Variants in NUDT3 observed in about 807,000 individuals in gnomAD.
NUDT3 encodes the protein diphosphoinositol polyphosphate phosphohydrolase 1.
A neutral mutation model predicts 23.6 loss-of-function variants in NUDT3; 9 were observed. The ratio of observed to expected loss-of-function variants is 0.38; its 90% confidence interval spans 0.23 to 0.66. The LOEUF is 0.66. Ranked by LOEUF, NUDT3 falls within the 30% of genes least tolerant of loss-of-function variation. The pLI is 0.52. For synonymous variants in NUDT3, 86 were observed against 82.6 expected, an observed-to-expected ratio of 1.04 and a Z score of -0.22; for missense variants, 172 against 218.5, an observed-to-expected ratio of 0.79 and a Z score of 1.34.
intron 1 of NUDT3, among the ~76,000 whole-genome samples, chr6:34,370,789 C>T (rs1764814343): frequency 6.6e-6 from 1 of 152,124 alleles, no homozygotes; most frequent in African/African-American, 2.4e-5. Context: ...CAATCACCAA[C>T]AAATAAAAAA....
intron 2 of NUDT3, among the ~76,000 whole-genome samples, chr6:34,315,784 C>T (rs56188036): frequency 0.096 from 14,563 of 152,184 alleles, 801 homozygotes; most frequent in Non-Finnish European, 0.12. Flanking sequence ...AGTCTCTATA[C>T]ACAACAGGCA....
chr6:34,355,833 G>C (rs1764552965), intron 1 of NUDT3, among the ~76,000 whole-genome samples: 1 of 152,092 alleles, frequency 6.6e-6, no homozygotes, highest in Non-Finnish European at 1.5e-5. Context: ...AAAGGGTTTG[G>C]GGAACTTCCA....
rs533055608 is a variant in NUDT3 at position 34,308,119 on chromosome 6, C to CAAAAAAAAAA, written c.211-12444_211-12435dup. Among the ~76,000 whole-genome samples the CAAAAAAAAAA allele has an allele frequency of 6.7e-5, 4 of 60,136 alleles. 1 individual carries two copies. Among genetic ancestry groups the CAAAAAAAAAA allele is most frequent in the African/African-American group, 2.2e-4 (3 of 13,698 alleles). The allele number at this position is 60,136 out of a possible 152,430, so 39.5% of individuals were successfully genotyped here. A position where few individuals can be genotyped will look rare whatever the true frequency, so the allele number is the denominator to read the frequency against. ...TGGGAGACACAGAGAAACTCTGTCTCAAAAAAAAAAAAAAAAAAAAAAAAA... is the reference window on the plus strand; with the variant it reads ...TGGGAGACACAGAGAAACTCTGTCTCAAAAAAAAAAAAAAAAAAAAAAAAAAAAAAAAAAA... On this transcript the variant is annotated intron_variant, in intron 2 of 4. Transcript: ENST00000607016.
rs766507608 is a variant in NUDT3, at chr6:34,288,643, C to A, written c.*110G>T. 19 of 1,402,912 alleles carry A rather than the reference C, an allele frequency of 1.4e-5. No homozygotes were observed. The highest frequency in any genetic ancestry group is 1.6e-5 in the Non-Finnish European group (17 of 1,042,804). 86.9% of individuals were successfully genotyped at this position (1,402,912 alleles called of 1,614,324 possible). On this transcript the variant is annotated 3_prime_UTR_variant, in exon 5 of 5. Coordinates refer to ENST00000607016, the MANE Select transcript of NUDT3 (RefSeq NM_006703.4). ...CACCCTTTCTTTGCTGCCCACCATG[C>A]CTTATTTGAAAGAGGAGGCCTGTGA...
At chr6:34,308,699 G>A (rs1045540955) in intron 2 of NUDT3, among the ~76,000 whole-genome samples, 14 of 152,262 alleles carry the variant, frequency 9.2e-5, no homozygotes, top group East Asian at 3.9e-4. Flanking sequence ...GTCAGGAATA[G>A]AGAAACATTA....
intron 1 of NUDT3, among the ~76,000 whole-genome samples, chr6:34,367,985 G>A (rs1467967811): frequency 1.3e-5 from 2 of 152,074 alleles, no homozygotes; most frequent in South Asian, 2.1e-4. Context: ...GGCGGATCAC[G>A]AGGTCAGGAG....
chr6:34,284,403 T>C lies in NUDT3; in HGVS notation c.*4350A>G, dbSNP rs1026566854. ...ATTCCACTGTGATTTCTCCAGGTAT[T>C]TCCTGCAATTCTAAATCCGCCCTTG... On this transcript the variant is annotated 3_prime_UTR_variant, in exon 5 of 5. Transcript: ENST00000607016. 6.6e-6 allele frequency: 1 copy of C among 152,170 alleles called. No individual in the cohort carries two copies. Among genetic ancestry groups the C allele is most frequent in the African/African-American group, 2.4e-5 (1 of 41,448 alleles). The allele number at this position is 152,170 out of a possible 1,614,324, so 9.4% of individuals were successfully genotyped here.
chr6:34,352,207 C>T (rs1256931201), intron 1 of NUDT3, among the ~76,000 whole-genome samples: 1 of 152,118 alleles, frequency 6.6e-6, no homozygotes, highest in Non-Finnish European at 1.5e-5. Context: ...CTCTGTCGCC[C>T]ATGCTGGACT....
chr6:34,368,065 G>A (rs1764767168), intron 1 of NUDT3, among the ~76,000 whole-genome samples: 1 of 152,152 alleles, frequency 6.6e-6, no homozygotes, highest in South Asian at 2.1e-4. Flanking sequence ...TCCCGGCGTG[G>A]TGGCATGTGC....
chr6:34,347,331 G>A (rs777418653), intron 1 of NUDT3, among the ~76,000 whole-genome samples: 8 of 152,222 alleles, frequency 5.3e-5, no homozygotes, highest in Non-Finnish European at 8.8e-5. Flanking sequence ...GCAGTTTGCA[G>A]GCAGATCAAA....
At chr6:34,352,183 G>A (rs1020547078) in intron 1 of NUDT3, among the ~76,000 whole-genome samples, 2 of 151,882 alleles carry the variant, frequency 1.3e-5, no homozygotes, top group African/African-American at 2.4e-5. Flanking sequence ...ATTATTTTTT[G>A]AGACAGGGTC....
chr6:34,299,109 T>C (rs1763558113), intron 2 of NUDT3, among the ~76,000 whole-genome samples: 1 of 152,030 alleles, frequency 6.6e-6, no homozygotes, highest in Non-Finnish European at 1.5e-5. Flanking sequence ...AATCTGAGAG[T>C]GGGTTATTTT....
chr6:34,392,444 G>A lies in NUDT3; in HGVS notation c.-82C>T, dbSNP rs997006549. 9.7e-7 allele frequency: 1 copy of A among 1,031,224 alleles called. No individual in the cohort carries two copies. 63.9% of individuals were successfully genotyped at this position (1,031,224 alleles called of 1,614,324 possible). A position where few individuals can be genotyped will look rare whatever the true frequency, so the allele number is the denominator to read the frequency against. ...CCGCTCTGGACGGCCGCGTGCGCGCGCGCCCCCGGCTCGGCCAAGGGAAGC... is the reference window on the plus strand; with the variant it reads ...CCGCTCTGGACGGCCGCGTGCGCGCACGCCCCCGGCTCGGCCAAGGGAAGC... On this transcript the variant is annotated 5_prime_UTR_variant, in exon 1 of 5. Transcript: ENST00000607016.
Position 34,304,376 on chromosome 6 carries a change from G to A in NUDT3, c.211-8691C>T, listed in dbSNP as rs141137433. On this transcript the variant is annotated intron_variant, in intron 2 of 4. Transcript: ENST00000607016. Reference sequence around the variant, plus strand: ...GCCCAGGAGTTCAAGACCAGCCTGGGCAACATAGTGAGACCCCATATCGAA... The same window carrying A: ...GCCCAGGAGTTCAAGACCAGCCTGGACAACATAGTGAGACCCCATATCGAA... Among the ~76,000 whole-genome samples the A allele has an allele frequency of 1.7e-3, 254 of 151,876 alleles. 8 individuals carry two copies. In the East Asian group the frequency reaches 0.041, roughly 25 times the overall value.
Position 34,279,902 on chromosome 6 carries a change from G to T in NUDT3, c.*8851C>A, listed in dbSNP as rs1347562731. On this transcript the variant is annotated 3_prime_UTR_variant, in exon 5 of 5. Coordinates refer to ENST00000607016, the MANE Select transcript of NUDT3 (RefSeq NM_006703.4). Reference sequence around the variant, plus strand: ...ATTCTCTCTAGATGGCAGGGGGTAAGTCTGCCTGTCCTCCATTGCTGGTAC... The same window carrying T: ...ATTCTCTCTAGATGGCAGGGGGTAATTCTGCCTGTCCTCCATTGCTGGTAC... The T allele has an allele frequency of 2.0e-5, 3 of 152,266 alleles. No individual in the cohort carries two copies. The highest frequency in any genetic ancestry group is 7.2e-5 in the African/African-American group (3 of 41,464). 9.4% of individuals were successfully genotyped at this position (152,266 alleles called of 1,614,324 possible). A position where few individuals can be genotyped will look rare whatever the true frequency, so the allele number is the denominator to read the frequency against.
At chr6:34,366,306 G>A (rs1036941662) in intron 1 of NUDT3, among the ~76,000 whole-genome samples, 2 of 151,234 alleles carry the variant, frequency 1.3e-5, no homozygotes, top group Admixed American at 6.6e-5. Context: ...AGCTGAGGAG[G>A]TTGAGACTGC....
Position 34,284,225 on chromosome 6 carries a change from C to T in NUDT3, c.*4528G>A, listed in dbSNP as rs1763309773. On this transcript the variant is annotated 3_prime_UTR_variant, in exon 5 of 5. Coordinates refer to ENST00000607016, the MANE Select transcript of NUDT3 (RefSeq NM_006703.4). ...TTTAATCACCATTCAATAATCTCCT[C>T]CCTCCCCATAGCTGCTTGAGTTAAC... 6.6e-6 allele frequency: 1 copy of T among 152,162 alleles called. No individual in the cohort carries two copies. The highest frequency in any genetic ancestry group is 2.1e-4 in the South Asian group (1 of 4,828). The allele number at this position is 152,162 out of a possible 1,614,324, so 9.4% of individuals were successfully genotyped here. A position where few individuals can be genotyped will look rare whatever the true frequency, so the allele number is the denominator to read the frequency against.
At position 34,390,368 on chromosome 6, in the gene NUDT3, G is replaced by A. The variant is rs566260401; in HGVS notation, c.99+1896C>T. On this transcript the variant is annotated intron_variant, in intron 1 of 4. Transcript: ENST00000607016. ...TGGTCTGACTTGTGAGATGCCGTGA[G>A]GTAGCCTAAACAGACAAGTAAGCTT... is the stretch of plus-strand genomic sequence containing the variant. 1.9e-3 allele frequency among the ~76,000 whole-genome samples: 285 copies of A among 151,818 alleles called. 2 individuals are homozygous for A. The highest frequency in any genetic ancestry group is 6.3e-3 in the African/African-American group (262 of 41,492).
chr6:34,347,788 A>ATACG (rs1764400271), intron 1 of NUDT3, among the ~76,000 whole-genome samples: 1 of 152,126 alleles, frequency 6.6e-6, no homozygotes, highest in Admixed American at 6.5e-5. Flanking sequence ...AAGAGTAATT[A>ATACG]TACGGAGTGA....
Sources: allele counts gnomAD v4.1 joint callset (sites outside exome capture counted in the v4.1 genomes callset), GRCh38; gene constraint gnomAD v4.1.1; transcripts MANE v1.5; gene names NCBI Gene and HGNC (gene_info 2026-07-23, HGNC 2026-07-21).